The following ZC3H12B variants were observed in gnomAD, a reference collection of about 807,000 sequenced individuals.
The protein encoded by ZC3H12B is zinc finger CCCH-type containing 12B.
In ZC3H12B, 7 loss-of-function variants were observed where a neutral mutation model predicts 43.9. The observed-to-expected ratio is 0.16, with a 90% CI of 0.09 to 0.30. The LOEUF is 0.30. ZC3H12B is among the 10% of genes least tolerant of loss of function. ZC3H12B has a pLI of 1.00. For missense variants in ZC3H12B, 475 were observed against 670.2 expected (o/e 0.71, Z 3.22); for synonymous variants, 222 against 241.7 (o/e 0.92, Z 0.76).
chrX:65,161,897 G>T, the ZC3H12B span, among the ~76,000 whole-genome samples: 2 of 111,842 alleles, frequency 1.8e-5, no homozygotes, highest in African/African-American at 6.5e-5. Flanking sequence ...TTTTGCAGTG[G>T]CTGGTACTGG....
At chrX:65,298,811 G>A in the ZC3H12B span, among the ~76,000 whole-genome samples, 1 of 111,858 alleles carries the variant, frequency 8.9e-6, no homozygotes, top group Non-Finnish European at 1.9e-5. Flanking sequence ...CATAGCTGCG[G>A]AAACCTCAGA....
At chrX:65,370,898 A>G (rs1258702784) in intron 2 of ZC3H12B, among the ~76,000 whole-genome samples, 2 of 112,104 alleles carry the variant, frequency 1.8e-5, no homozygotes, top group South Asian at 3.7e-4. Flanking sequence ...AGTAGGAAAT[A>G]CATTGAATGG....
chrX:65,379,189 G>T (rs760515577), intron 2 of ZC3H12B, among the ~76,000 whole-genome samples: 1 of 111,897 alleles, frequency 8.9e-6, no homozygotes, highest in Non-Finnish European at 1.9e-5. Context: ...AGTAACCTCC[G>T]CAGACTTAAA....
In ZC3H12B at chrX:65,373,897, A is replaced by ATATATATATATATATATATAC. The variant is rs1215963583; in HGVS notation, n.295+4909_295+4910insTATATATATACTATATATATA. Reference sequence around the variant, plus strand: ...ACCCTAGAACTTAAAGTATAGTAATATATATATATAGTTATATATATATAC... The same window carrying ATATATATATATATATATATAC: ...ACCCTAGAACTTAAAGTATAGTAATATATATATATATATATATATACTATATATATAGTTATATATATATAC... On this transcript the variant is annotated intron_variant and non_coding_transcript_variant, in intron 2 of 5. Coordinates refer to the ZC3H12B transcript ENST00000617377. 5.2e-3 allele frequency among the ~76,000 whole-genome samples: 142 copies of ATATATATATATATATATATAC among 27,335 alleles called. 4 individuals carry two copies. The highest frequency in any genetic ancestry group is 0.023 in the African/African-American group (135 of 5,780). The allele number at this position is 27,335 out of a possible 115,157, so 23.7% of individuals were successfully genotyped here. A position where few individuals can be genotyped will look rare whatever the true frequency, so the allele number is the denominator to read the frequency against.
chrX:65,346,592 C>T, the ZC3H12B span, among the ~76,000 whole-genome samples: 1 of 112,136 alleles, frequency 8.9e-6, no homozygotes, highest in Non-Finnish European at 1.9e-5. Flanking sequence ...TCCTCAAAAG[C>T]AATTGTAACA....
chrX:65,065,812 C>G, the ZC3H12B span, among the ~76,000 whole-genome samples: 29 of 109,439 alleles, frequency 2.6e-4, no homozygotes, highest in African/African-American at 9.6e-4. Context: ...TTACATAGTT[C>G]CATATTTCCT....
chrX:65,253,115 C>T, the ZC3H12B span, among the ~76,000 whole-genome samples: 1 of 111,788 alleles, frequency 8.9e-6, no homozygotes, highest in Non-Finnish European at 1.9e-5. Flanking sequence ...CTAAATGCAG[C>T]CAGGAGGAAC....
chrX:65,423,772 A>C (rs996848653), intron 3 of ZC3H12B, among the ~76,000 whole-genome samples: 1 of 111,592 alleles, frequency 9.0e-6, no homozygotes, highest in African/African-American at 3.3e-5. Flanking sequence ...AGATGGATAG[A>C]TTGCAAAAAT....
At chrX:65,104,783 G>A in the ZC3H12B span, among the ~76,000 whole-genome samples, 3 of 111,754 alleles carry the variant, frequency 2.7e-5, no homozygotes, top group East Asian at 2.8e-4. Context: ...TAGAGAAATA[G>A]GAATGGTTGT....
chrX:65,284,251 CA>C, the ZC3H12B span, among the ~76,000 whole-genome samples: 6,007 of 67,837 alleles, frequency 0.089, 216 homozygotes, highest in Non-Finnish European at 0.14. Context: ...CACACACACA[CA>C]AAAAAAAAAA....
chrX:65,144,226 G>C, the ZC3H12B span, among the ~76,000 whole-genome samples: 6 of 111,312 alleles, frequency 5.4e-5, no homozygotes, highest in Non-Finnish European at 9.4e-5. Flanking sequence ...GTTTAAGCTA[G>C]GATTTATCCA....
chrX:65,412,223 G>A (rs1367101416), intron 3 of ZC3H12B, among the ~76,000 whole-genome samples: 1 of 111,695 alleles, frequency 9.0e-6, no homozygotes, highest in East Asian at 2.8e-4. Context: ...AATGTTTCAT[G>A]TATATGGAAT....
At chrX:65,145,883 T>A in the ZC3H12B span, among the ~76,000 whole-genome samples, 1 of 111,306 alleles carries the variant, frequency 9.0e-6, no homozygotes, top group South Asian at 3.8e-4. Context: ...CCTTTATAGG[T>A]TACCTCGTGC....
the ZC3H12B span, among the ~76,000 whole-genome samples, chrX:65,070,539 G>A: frequency 9.0e-6 from 1 of 110,741 alleles, no homozygotes; most frequent in Non-Finnish European, 1.9e-5. Context: ...TTGTTAATTT[G>A]AGATCTTTTT....
the ZC3H12B span, among the ~76,000 whole-genome samples, chrX:65,285,989 T>C: frequency 8.9e-6 from 1 of 111,976 alleles, no homozygotes; most frequent in African/African-American, 3.2e-5. Flanking sequence ...ATAGCCACTA[T>C]AGAAAGCAGT....
At chrX:65,403,145 A>G (rs1261715323) in intron 3 of ZC3H12B, among the ~76,000 whole-genome samples, 1 of 112,367 alleles carries the variant, frequency 8.9e-6, no homozygotes, top group Admixed American at 9.4e-5. Flanking sequence ...AATTTTAAAA[A>G]TCAAGCAGAA....
chrX:65,445,683 G>A (rs777249138), intron 3 of ZC3H12B, among the ~76,000 whole-genome samples: 54 of 112,112 alleles, frequency 4.8e-4, no homozygotes, highest in Non-Finnish European at 9.4e-4. Context: ...AAGGCACAAG[G>A]GCTCTTTAGT....
At chrX:65,194,586 A>T in the ZC3H12B span, among the ~76,000 whole-genome samples, 1 of 111,651 alleles carries the variant, frequency 9.0e-6, no homozygotes, top group Non-Finnish European at 1.9e-5. Flanking sequence ...CTTGGTTTTG[A>T]CCTAATATAT....
chrX:65,215,208 A>G, the ZC3H12B span, among the ~76,000 whole-genome samples: 7 of 111,885 alleles, frequency 6.3e-5, no homozygotes, highest in African/African-American at 1.6e-4. Context: ...TTCACCTTAA[A>G]GTCATCAACT....
Sources: allele counts gnomAD v4.1 joint callset (sites outside exome capture counted in the v4.1 genomes callset), GRCh38; gene constraint gnomAD v4.1.1; transcripts MANE v1.5; gene names NCBI Gene and HGNC (gene_info 2026-07-23, HGNC 2026-07-21).